The following TMPRSS12 variants were observed in gnomAD, a reference collection of about 807,000 sequenced individuals.
The protein encoded by TMPRSS12 is transmembrane serine protease 12.
TMPRSS12 carries 25 observed loss-of-function variants against 26.0 expected under a neutral mutation model. The observed-to-expected ratio is 0.96, with a 90% CI of 0.70 to 1.34. The LOEUF (loss-of-function observed/expected upper bound fraction) is 1.34. Ranked by LOEUF, TMPRSS12 falls within the 40% of genes most tolerant of loss-of-function variation. The pLI, the probability that TMPRSS12 is intolerant of heterozygous loss-of-function variation, is 0.00. For synonymous variants in TMPRSS12, 150 were observed against 161.7 expected (o/e 0.93, Z 0.55); for missense variants, 441 against 440.1 (o/e 1.00, Z -0.02).
intron 2 of TMPRSS12, among the ~76,000 whole-genome samples, chr12:50,850,415 C>T (rs192233661): frequency 3.7e-4 from 57 of 152,202 alleles, no homozygotes; most frequent in Admixed American, 1.5e-3. Context: ...CCTGTCTCTA[C>T]AAAAAATTTT....
chr12:50,862,201 A>C (rs1213624587), intron 3 of TMPRSS12, among the ~76,000 whole-genome samples: 1 of 152,174 alleles, frequency 6.6e-6, no homozygotes, highest in African/African-American at 2.4e-5. Flanking sequence ...GAATTAAATT[A>C]GTTCTCCAGC....
chr12:50,854,385 T>G (rs1268865754), intron 2 of TMPRSS12, among the ~76,000 whole-genome samples: 2 of 152,014 alleles, frequency 1.3e-5, no homozygotes, highest in African/African-American at 2.4e-5. Flanking sequence ...GGAAATGCCC[T>G]TGAGAACTGG....
chr12:50,862,289 C>T (rs190821357), intron 3 of TMPRSS12, among the ~76,000 whole-genome samples: 35 of 152,218 alleles, frequency 2.3e-4, no homozygotes, highest in African/African-American at 7.7e-4. Context: ...GTTAAGGACT[C>T]GGTGTGACGA....
intron 3 of TMPRSS12, among the ~76,000 whole-genome samples, chr12:50,884,444 G>A (rs1938203787): frequency 6.6e-6 from 1 of 152,168 alleles, no homozygotes; most frequent in Non-Finnish European, 1.5e-5. Flanking sequence ...TACACTAGCA[G>A]TAATTTTAAA....
chr12:50,858,732 A>G (rs954635113), intron 2 of TMPRSS12, 53 bp from the exon 3 acceptor site: 1 of 1,330,038 alleles, frequency 7.5e-7, no homozygotes, highest in Non-Finnish European at 9.9e-7. Flanking sequence ...GATTAAGAAT[A>G]TGTACTTAGT....
intron 2 of TMPRSS12, among the ~76,000 whole-genome samples, chr12:50,850,038 T>G (rs1404705112): frequency 6.6e-6 from 1 of 152,236 alleles, no homozygotes; most frequent in Non-Finnish European, 1.5e-5. Context: ...CTTAGCATAA[T>G]GCATTTGAGA....
At chr12:50,845,397 T>C (rs1238614160) in intron 2 of TMPRSS12, among the ~76,000 whole-genome samples, 6 of 152,208 alleles carry the variant, frequency 3.9e-5, no homozygotes. Flanking sequence ...TTTCTAGAGT[T>C]TGCCCTCTGC....
chr12:50,883,752 C>T (rs1938197344), intron 3 of TMPRSS12, among the ~76,000 whole-genome samples: 1 of 152,048 alleles, frequency 6.6e-6, no homozygotes, highest in Non-Finnish European at 1.5e-5. Context: ...GCTTGCAATC[C>T]AAGCACTTTA....
intron 3 of TMPRSS12, among the ~76,000 whole-genome samples, chr12:50,872,469 C>T (rs955522764): frequency 2.3e-5 from 3 of 130,404 alleles, no homozygotes; most frequent in Non-Finnish European, 4.7e-5. Context: ...GCCGAGATTG[C>T]GCCACTGCAG....
At chr12:50,860,534 G>C (rs187102671) in intron 3 of TMPRSS12, among the ~76,000 whole-genome samples, 3 of 152,192 alleles carry the variant, frequency 2.0e-5, no homozygotes, top group Non-Finnish European at 2.9e-5. Context: ...TCCTGCTTCA[G>C]CCTCTCCAAT....
rs532356605 is a variant in TMPRSS12 at position 50,873,033 on chromosome 12, C to T, written c.653-12213C>T. On this transcript the variant is annotated intron_variant, in intron 3 of 4. Transcript: ENST00000398458. The stretch of plus-strand genomic sequence containing the variant: ...TAAAAAAGAATGAATTAACGGCATT[C>T]GCAGCGACCTGGATGAGATTGGAGA... Among the ~76,000 whole-genome samples, 175 of 150,904 alleles carry T rather than the reference C, an allele frequency of 1.2e-3. 1 individual carries two copies. The highest frequency in any genetic ancestry group is 2.8e-4 in the Non-Finnish European group (19 of 67,782).
At chr12:50,862,156 T>A (rs1937942514) in intron 3 of TMPRSS12, among the ~76,000 whole-genome samples, 1 of 152,116 alleles carries the variant, frequency 6.6e-6, no homozygotes, top group Admixed American at 6.5e-5. Flanking sequence ...ATCTTTAAAG[T>A]GAGAGCAATG....
chr12:50,872,842 C>A (rs200977755), intron 3 of TMPRSS12, among the ~76,000 whole-genome samples: 839 of 13,142 alleles, frequency 0.064, 229 homozygotes, highest in Non-Finnish European at 0.099. Flanking sequence ...TATATGACGT[C>A]TATATATGTA....
intron 4 of TMPRSS12, 40 bp from the exon 5 acceptor site, chr12:50,887,222 A>G (rs1028418153): frequency 2.4e-5 from 38 of 1,592,982 alleles, no homozygotes; most frequent in Non-Finnish European, 3.1e-5. Context: ...CTTGAAGAAT[A>G]CTAGAAGTAA....
intron 3 of TMPRSS12, among the ~76,000 whole-genome samples, chr12:50,866,489 G>A (rs1300374875): frequency 1.3e-5 from 2 of 151,824 alleles, no homozygotes; most frequent in Non-Finnish European, 2.9e-5. Context: ...CACCCAAGGA[G>A]AGTCTGAGCT....
intron 2 of TMPRSS12, among the ~76,000 whole-genome samples, chr12:50,849,282 CT>C (rs143603963): frequency 0.067 from 10,212 of 152,300 alleles, 375 homozygotes; most frequent in Middle Eastern, 0.11. Context: ...AACCTAGAGG[CT>C]TTTTCGTACA....
chr12:50,845,883 A>G (rs1038510257), intron 2 of TMPRSS12, among the ~76,000 whole-genome samples: 9 of 152,232 alleles, frequency 5.9e-5, no homozygotes, highest in Non-Finnish European at 1.0e-4. Context: ...TTCCCAAATT[A>G]CTAGTGATGT....
rs568624292 is a variant in TMPRSS12, at chr12:50,844,036, A to G, written c.382A>G (p.Ser128Gly). The G allele has an allele frequency of 3.2e-6, 5 of 1,558,662 alleles. No homozygotes were observed. In the East Asian group the frequency reaches 1.1e-4, roughly 35 times the overall value. Residue 128 changes from serine to glycine, a missense_variant and splice_region_variant, in exon 2 of 5, where the codon AGC (serine) becomes GGC (glycine). Coordinates refer to ENST00000398458, the MANE Select transcript of TMPRSS12 (RefSeq NM_182559.3). ...LTAAHCTKDA[S>G]DPLMWTAVIG... Reference sequence around the variant, plus strand: ...AGCTGCCCACTGCACTAAAGACGCTAGGTACGTATTCAGAACACAACTATT... The same window carrying G: ...AGCTGCCCACTGCACTAAAGACGCTGGGTACGTATTCAGAACACAACTATT...
chr12:50,878,200 GA>G (rs36087199), intron 3 of TMPRSS12, among the ~76,000 whole-genome samples: 7,396 of 139,706 alleles, frequency 0.053, 474 homozygotes, highest in African/African-American at 0.16. Flanking sequence ...TTATTTTGGG[GA>G]AAAAAAAAAA....
Sources: gnomAD v4.1 joint callset for allele counts (sites outside exome capture counted in the v4.1 genomes callset) on GRCh38, gnomAD v4.1.1 for gene constraint, MANE v1.5 for transcripts, NCBI Gene and HGNC (gene_info 2026-07-23, HGNC 2026-07-21) for gene names.